TENM3: variants seen among roughly 807,000 people sequenced by gnomAD.
The protein encoded by TENM3 is teneurin-3.
Under a neutral mutation model 255.1 loss-of-function variants are expected in TENM3, and 63 were observed. The observed-to-expected ratio is 0.25, with a 90% confidence interval of 0.20 to 0.30. The LOEUF (loss-of-function observed/expected upper bound fraction) is 0.30, where lower values mean the gene tolerates loss of function less well. Among genes scored for constraint, TENM3 ranks in the 10% least tolerant of loss-of-function variants. The probability of loss-of-function intolerance (pLI) is 1.00; values close to 1 mark genes in which losing one functional copy is unlikely to be tolerated. For synonymous variants in TENM3, 1,306 were observed against 1,322.3 expected (o/e 0.99, Z 0.27); for missense variants, 2,929 against 3,461.1 (o/e 0.85, Z 3.86).
chr4:182,322,722 CAGACAG>C (rs1219842994), intron 1 of TENM3, among the ~76,000 whole-genome samples: 3 of 152,040 alleles, frequency 2.0e-5, no homozygotes, highest in Admixed American at 6.5e-5. Context: ...GAGACAGAGA[CAGACAG>C]AGACAGAGAC....
the TENM3 span, among the ~76,000 whole-genome samples, chr4:181,616,288 A>C: frequency 2.1e-5 from 3 of 142,266 alleles, no homozygotes; most frequent in Non-Finnish European, 4.6e-5. Flanking sequence ...TTCCAAAAAA[A>C]AAAAAAAAAA....
intron 18 of TENM3, among the ~76,000 whole-genome samples, chr4:182,742,348 T>G (rs1336610146): frequency 6.6e-6 from 1 of 152,264 alleles, no homozygotes; most frequent in African/African-American, 2.4e-5. Context: ...TTATTGGCAC[T>G]TCCATGCCTT....
At chr4:181,948,616 C>T in the TENM3 span, among the ~76,000 whole-genome samples, 8 of 152,038 alleles carry the variant, frequency 5.3e-5, no homozygotes, top group Admixed American at 3.3e-4. Flanking sequence ...CAGGGTTTCA[C>T]CATGTTGGCC....
the TENM3 span, among the ~76,000 whole-genome samples, chr4:181,832,930 C>T: frequency 6.6e-6 from 1 of 152,080 alleles, no homozygotes; most frequent in African/African-American, 2.4e-5. Flanking sequence ...GGAATCTTTA[C>T]CAAACTAGTG....
intron 3 of TENM3, among the ~76,000 whole-genome samples, chr4:182,385,789 C>A (rs1767880660): frequency 6.6e-6 from 1 of 152,104 alleles, no homozygotes; most frequent in African/African-American, 2.4e-5. Context: ...TTTCTTAAAA[C>A]TACTGGTAGA....
At chr4:182,024,423 G>A in the TENM3 span, among the ~76,000 whole-genome samples, 1 of 152,024 alleles carries the variant, frequency 6.6e-6, no homozygotes, top group South Asian at 2.1e-4. Flanking sequence ...CTGGTTGGTT[G>A]TTTGTTTACA....
rs994707516 is a variant in TENM3, at chr4:182,420,635, A to G, written c.511+73706A>G. On this transcript the variant is annotated intron_variant, in intron 3 of 27. Coordinates refer to ENST00000511685, the MANE Select transcript of TENM3 (RefSeq NM_001080477.4). ...TTATTAGGCTCAGGGCCACTAAGGG[A>G]AAACTTTAGTTCAACTCTGGCTGCT... Among the ~76,000 whole-genome samples, 6 of 152,338 alleles carry G rather than the reference A, an allele frequency of 3.9e-5. No homozygotes were observed. In the East Asian group the frequency reaches 5.8e-4, roughly 15 times the overall value.
chr4:181,683,347 A>G, the TENM3 span, among the ~76,000 whole-genome samples: 1 of 151,704 alleles, frequency 6.6e-6, no homozygotes, highest in Non-Finnish European at 1.5e-5. Context: ...CTGACCCTAA[A>G]ACTTACACTT....
chr4:182,137,309 C>T, the TENM3 span, among the ~76,000 whole-genome samples: 1 of 149,202 alleles, frequency 6.7e-6, no homozygotes, highest in African/African-American at 2.5e-5. Context: ...TGCCTCTCCC[C>T]AAGTCTCACT....
the TENM3 span, among the ~76,000 whole-genome samples, chr4:181,703,798 T>G: frequency 6.3e-5 from 3 of 47,584 alleles, no homozygotes; most frequent in Non-Finnish European, 1.7e-4. Flanking sequence ...CTTTGGGGAG[T>G]TTTTTTTTCT....
the TENM3 span, among the ~76,000 whole-genome samples, chr4:182,067,558 CTTCCTGTCGATTT>C: frequency 6.6e-6 from 1 of 152,182 alleles, no homozygotes; most frequent in Non-Finnish European, 1.5e-5. Context: ...AAAAAATAAT[CTTCCTGTCGATTT>C]TAAATCCTAG....
intron 3 of TENM3, among the ~76,000 whole-genome samples, chr4:182,512,174 T>G (rs1340792208): frequency 1.3e-5 from 2 of 152,180 alleles, no homozygotes; most frequent in Non-Finnish European, 2.9e-5. Context: ...TTCCCAGCCC[T>G]CCCCACTCCC....
At chr4:182,325,517 A>G (rs547018245) in intron 2 of TENM3, among the ~76,000 whole-genome samples, 4 of 152,356 alleles carry the variant, frequency 2.6e-5, no homozygotes, top group African/African-American at 9.6e-5. Flanking sequence ...TTCAGGGGAG[A>G]TACAAAACAT....
intron 3 of TENM3, among the ~76,000 whole-genome samples, chr4:182,586,650 C>T (rs1288871196): frequency 6.6e-6 from 1 of 152,066 alleles, no homozygotes; most frequent in African/African-American, 2.4e-5. Context: ...ATTGCACGTG[C>T]CAAGAATAGA....
At position 182,230,982 on chromosome 4, in the gene TENM3, C is replaced by T. The variant is rs142849446; in HGVS notation, c.-76+86228C>T. On this transcript the variant is annotated intron_variant, in intron 1 of 2. Coordinates refer to the TENM3 transcript ENST00000512480. ...CAACAAGTGTCTCTCCTGGGCCAGA[C>T]CTGAGGGTCTCTAACACTCAGTGGC... Among the ~76,000 whole-genome samples the T allele has an allele frequency of 5.7e-3, 862 of 151,352 alleles. 14 individuals carry two copies. The highest frequency in any genetic ancestry group is 0.02 in the African/African-American group (840 of 41,178).
chr4:182,260,008 C>G lies in TENM3; in HGVS notation c.-76+16532C>G, dbSNP rs576007526. On this transcript the variant is annotated intron_variant, in intron 1 of 27. Coordinates refer to ENST00000511685, the MANE Select transcript of TENM3 (RefSeq NM_001080477.4). ...TGGAGCATCGTCTGTCTGTGCCTGGCTTATTTCACGTAACGTAATGTCCTC... is the reference window on the plus strand; with the variant it reads ...TGGAGCATCGTCTGTCTGTGCCTGGGTTATTTCACGTAACGTAATGTCCTC... Among the ~76,000 whole-genome samples, 5 of 152,256 alleles carry G rather than the reference C, an allele frequency of 3.3e-5. No individual in the cohort carries two copies. In the East Asian group the frequency reaches 9.7e-4, roughly 29 times the overall value.
chr4:182,106,886 T>C, the TENM3 span, among the ~76,000 whole-genome samples: 1 of 152,020 alleles, frequency 6.6e-6, no homozygotes, highest in African/African-American at 2.4e-5. Context: ...GGTGAGATAA[T>C]ATCTCAAGAC....
chr4:182,000,651 G>T, the TENM3 span, among the ~76,000 whole-genome samples: 1 of 152,054 alleles, frequency 6.6e-6, no homozygotes, highest in African/African-American at 2.4e-5. Flanking sequence ...GTTTAAACCA[G>T]TACAAATATA....
intron 1 of TENM3, among the ~76,000 whole-genome samples, chr4:182,309,202 G>T (rs989013969): frequency 3.9e-5 from 6 of 152,228 alleles, no homozygotes; most frequent in Admixed American, 2.6e-4. Flanking sequence ...TCCACTGACA[G>T]ATGCCATGTT....
Sources: allele counts gnomAD v4.1 joint callset (sites outside exome capture counted in the v4.1 genomes callset), GRCh38; gene constraint gnomAD v4.1.1; transcripts MANE v1.5; gene names NCBI Gene and HGNC (gene_info 2026-07-23, HGNC 2026-07-21).